Variants in CLVS1 observed in about 807,000 individuals in gnomAD.
CLVS1 encodes clavesin-1.
CLVS1 carries 10 observed loss-of-function variants against 33.1 expected under a neutral mutation model. That is an observed-to-expected ratio of 0.30 (90% CI 0.19 to 0.51). CLVS1 has a LOEUF of 0.51. Ranked by LOEUF, CLVS1 falls within the 20% of genes least tolerant of loss-of-function variation. The pLI is 0.97. For missense variants in CLVS1, 343 were observed against 433.4 expected (o/e 0.79, Z 1.85); for synonymous variants, 163 against 166.1 (o/e 0.98, Z 0.14).
chr8:61,236,712 C>T (rs1808569509), intron 2 of CLVS1, among the ~76,000 whole-genome samples: 3 of 152,142 alleles, frequency 2.0e-5, no homozygotes, highest in Admixed American at 2.0e-4. Context: ...TTTACACAAA[C>T]AAGAAGGATT....
chr8:61,155,901 T>C (rs1186407103), intron 2 of CLVS1, among the ~76,000 whole-genome samples: 2 of 152,176 alleles, frequency 1.3e-5, no homozygotes, highest in African/African-American at 4.8e-5. Context: ...CTGAGGGATG[T>C]CATCTGTAAA....
the CLVS1 span, among the ~76,000 whole-genome samples, chr8:61,013,339 T>G: frequency 6.6e-6 from 1 of 152,240 alleles, no homozygotes; most frequent in Non-Finnish European, 1.5e-5. Context: ...GACATGGCTC[T>G]GGTCCCCAGC....
upstream of CLVS1, among the ~76,000 whole-genome samples, chr8:61,055,601 T>C (rs1291631886): frequency 1.3e-5 from 2 of 152,224 alleles, no homozygotes; most frequent in African/African-American, 2.4e-5. Flanking sequence ...CCATATTTTC[T>C]GTAGATGGGA....
At chr8:61,060,368 T>G (rs1187275067) in intron 1 of CLVS1, among the ~76,000 whole-genome samples, 1 of 152,134 alleles carries the variant, frequency 6.6e-6, no homozygotes, top group East Asian at 1.9e-4. Context: ...CTTGAGGAAA[T>G]GATGGTCCAG....
At chr8:61,236,594 T>G (rs1260530612) in intron 2 of CLVS1, among the ~76,000 whole-genome samples, 1 of 152,192 alleles carries the variant, frequency 6.6e-6, no homozygotes, top group Non-Finnish European at 1.5e-5. Context: ...GCACTGTTCC[T>G]GGGTGGGCAG....
chr8:61,301,815 G>A (rs546245858), intron 2 of CLVS1, among the ~76,000 whole-genome samples: 7 of 152,216 alleles, frequency 4.6e-5, no homozygotes, highest in Non-Finnish European at 8.8e-5. Flanking sequence ...CTCCTCCCAC[G>A]ACTGCAGGTT....
intron 2 of CLVS1, among the ~76,000 whole-genome samples, chr8:61,177,262 C>T (rs1262077937): frequency 6.6e-6 from 1 of 152,184 alleles, no homozygotes; most frequent in Non-Finnish European, 1.5e-5. Context: ...GCCCATTTCT[C>T]CTCACTGGGC....
Position 61,458,547 on chromosome 8 carries a change from G to C in CLVS1, c.977+5G>C. On this transcript the variant is annotated splice_donor_5th_base_variant and intron_variant, in intron 5 of 5. Transcript: ENST00000325897. ...CTCACCCAAGCTGATGAAAAGGTAAGGCCTGGGTTATCAGAGCCCCCCCCC... is the reference window on the plus strand; with the variant it reads ...CTCACCCAAGCTGATGAAAAGGTAACGCCTGGGTTATCAGAGCCCCCCCCC... The C allele has an allele frequency of 6.4e-7, 1 of 1,571,990 alleles. No individual in the cohort carries two copies. Among genetic ancestry groups the C allele is most frequent in the Non-Finnish European group, 8.6e-7 (1 of 1,160,080 alleles).
intron 2 of CLVS1, among the ~76,000 whole-genome samples, chr8:61,185,393 A>G (rs992843459): frequency 6.7e-6 from 1 of 150,024 alleles, no homozygotes; most frequent in South Asian, 2.1e-4. Flanking sequence ...GCTTCAAGCT[A>G]TCCTCCCGCC....
intron 2 of CLVS1, among the ~76,000 whole-genome samples, chr8:61,349,496 G>A (rs563610452): frequency 1.4e-4 from 22 of 152,192 alleles, no homozygotes; most frequent in Non-Finnish European, 2.6e-4. Flanking sequence ...GCTTGGGGTG[G>A]TGCCATCCCC....
Position 61,148,776 on chromosome 8 carries a change from A to G in CLVS1, c.-152+16916A>G, listed in dbSNP as rs147984704. On this transcript the variant is annotated intron_variant, in intron 2 of 2. Transcript: ENST00000522621. The stretch of plus-strand genomic sequence containing the variant: ...GAGAGACATTGCTAAACAGGTGTAT[A>G]TGATTGAAATGACTGAGGAATATAG... 3.3e-4 allele frequency among the ~76,000 whole-genome samples: 50 copies of G among 152,216 alleles called. No homozygotes were observed. The East Asian group carries it at 9.7e-3, about 29-fold the overall frequency.
chr8:61,097,484 G>C (rs1330383856), intron 1 of CLVS1, among the ~76,000 whole-genome samples: 2 of 152,106 alleles, frequency 1.3e-5, no homozygotes, highest in African/African-American at 4.8e-5. Context: ...TTTCACTCGT[G>C]AGAGTTTCTA....
At chr8:61,460,538 T>A (rs1325941018) in intron 5 of CLVS1, among the ~76,000 whole-genome samples, 1 of 152,232 alleles carries the variant, frequency 6.6e-6, no homozygotes, top group African/African-American at 2.4e-5. Context: ...AGTTGCCTAA[T>A]AATTTCCTAT....
chr8:61,128,996 T>C (rs969568537), intron 1 of CLVS1, among the ~76,000 whole-genome samples: 1 of 152,264 alleles, frequency 6.6e-6, no homozygotes, highest in Non-Finnish European at 1.5e-5. Context: ...GATTTCTTTT[T>C]TATTGCATTT....
chr8:61,286,617 T>C (rs1809787186), upstream of CLVS1, among the ~76,000 whole-genome samples: 1 of 152,258 alleles, frequency 6.6e-6, no homozygotes, highest in Non-Finnish European at 1.5e-5. Flanking sequence ...TGCCACATGG[T>C]ACTTACATTC....
chr8:61,393,024 C>G (rs1159583751), intron 3 of CLVS1, among the ~76,000 whole-genome samples: 1 of 151,878 alleles, frequency 6.6e-6, no homozygotes, highest in East Asian at 2.0e-4. Context: ...GCTGGGATTA[C>G]AGGCAGGTGC....
rs922155836 is a variant in CLVS1, at chr8:61,121,260, T to G, written c.-242-10510T>G. Among the ~76,000 whole-genome samples, 33 of 152,262 alleles carry G rather than the reference T, an allele frequency of 2.2e-4. No homozygotes were observed. In the South Asian group the frequency reaches 6.8e-3, roughly 32 times the overall value. On this transcript the variant is annotated intron_variant, in intron 1 of 2. Transcript: ENST00000522621. Reference sequence around the variant, plus strand: ...CTCACGGTGCGCGCACCCACTGACCTGCACCCACTGTCTGGCACTCCCTAG... The same window carrying G: ...CTCACGGTGCGCGCACCCACTGACCGGCACCCACTGTCTGGCACTCCCTAG...
chr8:61,185,862 G>A (rs1807334743), intron 2 of CLVS1, among the ~76,000 whole-genome samples: 1 of 152,122 alleles, frequency 6.6e-6, no homozygotes, highest in Admixed American at 6.6e-5. Flanking sequence ...AATTTAATGG[G>A]CAAATACAAA....
At chr8:61,113,770 T>C (rs1805670169) in intron 1 of CLVS1, among the ~76,000 whole-genome samples, 1 of 152,176 alleles carries the variant, frequency 6.6e-6, no homozygotes, top group African/African-American at 2.4e-5. Flanking sequence ...TAGCCAGGTG[T>C]GGTGAGTGTG....
Sources: allele counts gnomAD v4.1 joint callset (sites outside exome capture counted in the v4.1 genomes callset), GRCh38; gene constraint gnomAD v4.1.1; transcripts MANE v1.5; gene names NCBI Gene and HGNC (gene_info 2026-07-23, HGNC 2026-07-21).